Variants in SUGCT observed in about 807,000 individuals in gnomAD.
SUGCT encodes the protein succinyl-CoA:glutarate-CoA transferase, also known as succinyl-CoA:glutarate CoA-transferase.
SUGCT carries 41 observed loss-of-function variants against 55.0 expected under a neutral mutation model. The observed-to-expected ratio is 0.74, with a 90% CI of 0.58 to 0.97. The LOEUF (loss-of-function observed/expected upper bound fraction) is 0.97, where lower values mean the gene tolerates loss of function less well. Ranked by LOEUF, SUGCT falls within the 50% of genes least tolerant of loss-of-function variation. SUGCT has a pLI of 0.00. For missense variants in SUGCT, 568 were observed against 547.8 expected, an observed-to-expected ratio of 1.04 and a Z score of -0.37; for synonymous variants, 187 against 200.4, an observed-to-expected ratio of 0.93 and a Z score of 0.56.
At chr7:40,674,397 G>A (rs1020368846) in intron 12 of SUGCT, among the ~76,000 whole-genome samples, 2 of 152,142 alleles carry the variant, frequency 1.3e-5, no homozygotes, top group Non-Finnish European at 2.9e-5. Context: ...GTTCAAAATG[G>A]CATCATATTC....
chr7:40,886,758 G>GTAAGCA, the SUGCT span, among the ~76,000 whole-genome samples: 1 of 152,170 alleles, frequency 6.6e-6, no homozygotes, highest in Non-Finnish European at 1.5e-5. Flanking sequence ...ACCCATGTTG[G>GTAAGCA]TATGCAGTAA....
chr7:40,640,602 A>T (rs1800226800), intron 12 of SUGCT, among the ~76,000 whole-genome samples: 1 of 152,200 alleles, frequency 6.6e-6, no homozygotes, highest in African/African-American at 2.4e-5. Context: ...ATGTTTCCTG[A>T]GATTGAAAAA....
chr7:40,788,010 C>T (rs1029102898), intron 13 of SUGCT, among the ~76,000 whole-genome samples: 3 of 152,152 alleles, frequency 2.0e-5, no homozygotes, highest in Non-Finnish European at 4.4e-5. Context: ...GGACTGTTAT[C>T]TTCCAGCAGT....
chr7:40,545,430 G>A (rs1203720801), intron 12 of SUGCT, among the ~76,000 whole-genome samples: 1 of 152,106 alleles, frequency 6.6e-6, no homozygotes, highest in African/African-American at 2.4e-5. Flanking sequence ...AAGGTCTCTG[G>A]CTGTTTCTCC....
chr7:40,742,327 T>C (rs886756126), intron 12 of SUGCT, among the ~76,000 whole-genome samples: 1 of 152,196 alleles, frequency 6.6e-6, no homozygotes, highest in Admixed American at 6.5e-5. Context: ...ACATGTGATC[T>C]TCATTATCTA....
intron 8 of SUGCT, among the ~76,000 whole-genome samples, chr7:40,279,075 G>C (rs1792761722): frequency 6.6e-6 from 1 of 151,508 alleles, no homozygotes; most frequent in South Asian, 2.1e-4. Flanking sequence ...GGCCTTAAGG[G>C]ATCTTCCTGC....
chr7:40,652,202 T>G (rs1463695356), intron 12 of SUGCT, among the ~76,000 whole-genome samples: 1 of 152,252 alleles, frequency 6.6e-6, no homozygotes, highest in African/African-American at 2.4e-5. Flanking sequence ...TTCAGTATTT[T>G]TCAGTAAATA....
chr7:40,923,247 TG>T, the SUGCT span, among the ~76,000 whole-genome samples: 2 of 152,220 alleles, frequency 1.3e-5, no homozygotes, highest in East Asian at 3.8e-4. Flanking sequence ...TGCAGTTACT[TG>T]GCAAGTTACC....
At chr7:40,865,743 C>T (rs1794565788), downstream of SUGCT, among the ~76,000 whole-genome samples, 3 of 152,122 alleles carry the variant, frequency 2.0e-5, no homozygotes, top group Admixed American at 6.6e-5. Flanking sequence ...TTGCTTCTTA[C>T]TCTTTCTTAG....
intron 12 of SUGCT, among the ~76,000 whole-genome samples, chr7:40,735,742 G>A (rs1042791633): frequency 2.0e-5 from 3 of 152,092 alleles, no homozygotes; most frequent in Non-Finnish European, 2.9e-5. Context: ...TTTAAAACCT[G>A]TCATTGAAGA....
rs573666303 is a variant in SUGCT, at chr7:40,147,129, C to T, written c.100+12009C>T. 4.6e-5 allele frequency among the ~76,000 whole-genome samples: 7 copies of T among 152,028 alleles called. No homozygotes were observed. The South Asian group carries it at 6.2e-4, about 14-fold the overall frequency. On this transcript the variant is annotated intron_variant, in intron 1 of 13. Transcript: ENST00000335693. ...CTGGTCTTTCCCTGCCTCTGCCAGC[C>T]GCTTATGCTGCTGTTCTCCCCTCTC...
chr7:40,580,429 C>T (rs1015213451), intron 12 of SUGCT, among the ~76,000 whole-genome samples: 9 of 152,162 alleles, frequency 5.9e-5, no homozygotes, highest in African/African-American at 2.2e-4. Flanking sequence ...TGCTAGAAGA[C>T]TTGTAGCTTG....
At chr7:40,146,396 GACAC>G (rs1284118513) in intron 1 of SUGCT, among the ~76,000 whole-genome samples, 3 of 152,214 alleles carry the variant, frequency 2.0e-5, no homozygotes, top group Non-Finnish European at 4.4e-5. Flanking sequence ...AGGAAGTAAA[GACAC>G]ACACGCAGAA....
chr7:40,358,945 C>T (rs73688062), intron 9 of SUGCT, among the ~76,000 whole-genome samples: 2,295 of 152,274 alleles, frequency 0.015, 52 homozygotes, highest in South Asian at 0.059. Context: ...ATCTCTCAGG[C>T]ATAGGTAACT....
chr7:40,342,287 A>T (rs1797095010), intron 9 of SUGCT, among the ~76,000 whole-genome samples: 1 of 152,220 alleles, frequency 6.6e-6, no homozygotes, highest in Non-Finnish European at 1.5e-5. Flanking sequence ...GACTTGAGAG[A>T]TTACTCAGAA....
the SUGCT span, among the ~76,000 whole-genome samples, chr7:40,990,618 A>G: frequency 9.8e-5 from 15 of 152,356 alleles, no homozygotes; most frequent in East Asian, 2.9e-3. Flanking sequence ...CTCCCTAGCT[A>G]TAAAAGTCCT....
At chr7:40,946,194 G>T in the SUGCT span, among the ~76,000 whole-genome samples, 1 of 151,752 alleles carries the variant, frequency 6.6e-6, no homozygotes, top group Non-Finnish European at 1.5e-5. Context: ...AGGAGGTAGT[G>T]ATGGGATTTA....
intron 9 of SUGCT, among the ~76,000 whole-genome samples, chr7:40,437,154 A>G (rs1788223096): frequency 6.6e-6 from 1 of 152,222 alleles, no homozygotes; most frequent in African/African-American, 2.4e-5. Context: ...TGAGAAAAAT[A>G]ATATCCATTG....
At chr7:40,372,101 G>A (rs1262475825) in intron 9 of SUGCT, among the ~76,000 whole-genome samples, 7 of 150,812 alleles carry the variant, frequency 4.6e-5, no homozygotes, top group Admixed American at 6.6e-5. Context: ...ACTGGTTTGA[G>A]GTTTTTTTTT....
Sources: gnomAD v4.1 joint callset for allele counts (sites outside exome capture counted in the v4.1 genomes callset) on GRCh38, gnomAD v4.1.1 for gene constraint, MANE v1.5 for transcripts, NCBI Gene and HGNC (gene_info 2026-07-23, HGNC 2026-07-21) for gene names.